Variants in PIEZO2 observed in about 807,000 individuals in gnomAD.
PIEZO2 encodes the protein piezo-type mechanosensitive ion channel component 2.
Under a neutral mutation model 337.3 loss-of-function variants are expected in PIEZO2, and 172 were observed. The ratio of observed to expected loss-of-function variants is 0.51; its 90% CI spans 0.45 to 0.58. The LOEUF (loss-of-function observed/expected upper bound fraction) is 0.58, where lower values mean the gene tolerates loss of function less well. Ranked by LOEUF, PIEZO2 falls within the 20% of genes least tolerant of loss-of-function variation. The pLI, the probability that PIEZO2 is intolerant of heterozygous loss-of-function variation, is 0.00. For synonymous variants in PIEZO2, 1,251 were observed against 1,228.5 expected (o/e 1.02, Z -0.38); for missense variants, 3,028 against 3,391.3 (o/e 0.89, Z 2.66).
At chr18:10,820,645 G>A (rs1303239156) in intron 7 of PIEZO2, among the ~76,000 whole-genome samples, 2 of 152,118 alleles carry the variant, frequency 1.3e-5, no homozygotes, top group Non-Finnish European at 2.9e-5. Flanking sequence ...TTCATTGCTT[G>A]AGTTTTCTCT....
intron 18 of PIEZO2, 44 bp from the exon 19 acceptor site, chr18:10,774,082 A>C (rs1030197572): frequency 1.4e-6 from 1 of 702,158 alleles, no homozygotes; most frequent in African/African-American, 1.7e-5. Flanking sequence ...AGGAGATGAG[A>C]ACAGAAGAAT....
chr18:10,765,257 C>G (rs1474861857), intron 21 of PIEZO2, among the ~76,000 whole-genome samples: 1 of 152,184 alleles, frequency 6.6e-6, no homozygotes, highest in African/African-American at 2.4e-5. Context: ...TCCTTCCAGA[C>G]TTGGGAGAGC....
Position 10,898,548 on chromosome 18 carries a change from T to C in PIEZO2, c.329+12638A>G, listed in dbSNP as rs910479079. Among the ~76,000 whole-genome samples the C allele has an allele frequency of 5.9e-5, 9 of 152,198 alleles. No individual in the cohort carries two copies. In the East Asian group the frequency reaches 1.7e-3, roughly 29 times the overall value. On this transcript the variant is annotated intron_variant, in intron 4 of 55. Coordinates refer to ENST00000674853, the MANE Select transcript of PIEZO2 (RefSeq NM_001378183.1). ...TGACTGAAAATGTGGGTGGGGGACG[T>C]CCTGAATATTAGGTTGGGGAGTTAA...
intron 4 of PIEZO2, among the ~76,000 whole-genome samples, chr18:10,880,747 T>G (rs1234206635): frequency 6.6e-6 from 1 of 150,746 alleles, no homozygotes; most frequent in Non-Finnish European, 1.5e-5. Flanking sequence ...GCAGGTGTCT[T>G]TAGTCACTTG....
In PIEZO2 at chr18:10,671,700, T is replaced by C. The variant is rs2143374505; in HGVS notation, c.8425A>G (p.Ile2809Val). The change falls in exon 56 of 56, where the codon ATC becomes GTC. Residue 2809 changes from isoleucine to valine, a missense_variant. Transcript: ENST00000674853. ...REFFSGISHS[I>V]MFEELPNVDR... ...ACATTTGGAAGCTCTTCAAACATGA[T>C]GGAGTGAGAAATCCCACTGAAGAAT... 2 of 1,614,028 alleles carry C rather than the reference T, an allele frequency of 1.2e-6. No homozygotes were observed. Among genetic ancestry groups the C allele is most frequent in the South Asian group, 1.1e-5 (1 of 91,080 alleles).
intron 4 of PIEZO2, among the ~76,000 whole-genome samples, chr18:10,909,493 C>T (rs992490787): frequency 2.1e-5 from 3 of 143,926 alleles, no homozygotes; most frequent in Non-Finnish European, 4.5e-5. Flanking sequence ...TTAAATAATG[C>T]TAAAGACTTA....
At chr18:11,039,735 C>T (rs7234051) in intron 2 of PIEZO2, among the ~76,000 whole-genome samples, 1 of 132,036 alleles carries the variant, frequency 7.6e-6, no homozygotes, top group Admixed American at 7.9e-5. Flanking sequence ...TAAGTTGAAT[C>T]TATTTTAAAT....
intron 35 of PIEZO2, among the ~76,000 whole-genome samples, chr18:10,732,359 T>C (rs56839279): frequency 0.015 from 2,311 of 152,296 alleles, 54 homozygotes; most frequent in African/African-American, 0.044. Flanking sequence ...ATTATGATGA[T>C]AAAGTTAAAT....
intron 3 of PIEZO2, among the ~76,000 whole-genome samples, chr18:10,926,231 T>C (rs538631663): frequency 1.2e-4 from 18 of 152,332 alleles, no homozygotes; most frequent in Non-Finnish European, 2.9e-5. Flanking sequence ...CCGGGTGTGC[T>C]GGAGGCGGTG....
intron 4 of PIEZO2, among the ~76,000 whole-genome samples, chr18:10,889,204 T>G (rs1222809670): frequency 6.6e-6 from 1 of 152,232 alleles, no homozygotes; most frequent in African/African-American, 2.4e-5. Context: ...GCTTTCATCC[T>G]TCCCCAAGTA....
chr18:10,804,138 A>G, intron 8 of PIEZO2, 144 bp from the exon 9 acceptor site: 1 of 1,056,114 alleles, frequency 9.5e-7, no homozygotes, highest in Non-Finnish European at 1.3e-6. Context: ...TTATCAAGAC[A>G]CTTTAAAAAA....
chr18:11,015,071 T>A (rs1191871060), intron 2 of PIEZO2, among the ~76,000 whole-genome samples: 2 of 126,952 alleles, frequency 1.6e-5, no homozygotes, highest in Non-Finnish European at 3.1e-5. Flanking sequence ...GTGGGGAAGA[T>A]GTCACCCTGG....
rs547158235 is a variant in PIEZO2 at position 10,705,371 on chromosome 18, G to C, written c.5964C>G (p.Thr1988=). Residue 1988 remains threonine, a synonymous_variant, in exon 41 of 56, where the codon ACC becomes ACG. Coordinates refer to ENST00000674853, the MANE Select transcript of PIEZO2 (RefSeq NM_001378183.1). ...GCAGCTCGCTGGCCGTCAGCTCATG[G>C]GTCAGGGGAGGTAAGATGCTGGACC... ...KLGSSILPPL[T]HELTASELLL... 2 of 1,537,038 alleles carry C rather than the reference G, an allele frequency of 1.3e-6. No homozygotes were observed. Among genetic ancestry groups the C allele is most frequent in the East Asian group, 2.4e-5 (1 of 40,906 alleles).
intron 4 of PIEZO2, among the ~76,000 whole-genome samples, chr18:10,882,343 A>G (rs1003877908): frequency 3.3e-5 from 5 of 152,180 alleles, no homozygotes; most frequent in African/African-American, 1.2e-4. Context: ...CCCCGGCCCA[A>G]CTTGAGAGAA....
intron 2 of PIEZO2, among the ~76,000 whole-genome samples, chr18:11,053,766 C>T (rs1303058243): frequency 6.6e-6 from 1 of 152,192 alleles, no homozygotes; most frequent in East Asian, 1.9e-4. Flanking sequence ...TGCAGTGGCT[C>T]ATGCCTGTAA....
At chr18:11,082,516 AC>A (rs2038784387) in intron 1 of PIEZO2, among the ~76,000 whole-genome samples, 2 of 151,946 alleles carry the variant, frequency 1.3e-5, no homozygotes, top group East Asian at 1.9e-4. Context: ...ATGGGGTTTC[AC>A]CGTGTTAGCC....
In PIEZO2 at chr18:10,675,172, T is replaced by C. The variant is rs192743046; in HGVS notation, c.8161+37A>G. The stretch of plus-strand genomic sequence containing the variant: ...TGTTGAAATTGAATAAAACTAGGAT[T>C]GAAAACAATTCTGAAACAAATTTTT... On this transcript the variant is annotated intron_variant, in intron 54 of 55. Transcript: ENST00000674853. 17 of 1,398,978 alleles carry C rather than the reference T, an allele frequency of 1.2e-5. No homozygotes were observed. The Admixed American group carries it at 3.0e-4, about 25-fold the overall frequency. The allele number at this position is 1,398,978 out of a possible 1,614,324, so 86.7% of individuals were successfully genotyped here.
chr18:10,900,467 T>A (rs1459386305), intron 4 of PIEZO2, among the ~76,000 whole-genome samples: 1 of 152,230 alleles, frequency 6.6e-6, no homozygotes, highest in African/African-American at 2.4e-5. Flanking sequence ...GACCTCTGCC[T>A]ACTATCTTAT....
In PIEZO2 at chr18:10,773,472, C is replaced by G. The variant is rs369232281; in HGVS notation, c.2725G>C (p.Glu909Gln). ...AQKGDLGKDS[E>Q]ESEEDGEEEE... ...TCCTCTCCGTCCTCCTCTGACTCCT[C>G]GCTGTCTTTCCCAAGATCACCCTTC... The change falls in exon 20 of 56, where the codon GAG becomes CAG. Residue 909 changes from glutamate (E) to glutamine (Q), a missense_variant. Transcript: ENST00000674853. This position sits in a 1 kb window ranked among gnomAD's most constrained non-coding sequence, Gnocchi z 5.3. The G allele has an allele frequency of 1.7e-5, 26 of 1,537,440 alleles. No individual in the cohort carries two copies. Among genetic ancestry groups the G allele is most frequent in the East Asian group, 7.3e-5 (3 of 40,910 alleles).
Sources: allele counts gnomAD v4.1 joint callset (sites outside exome capture counted in the v4.1 genomes callset), GRCh38; gene constraint gnomAD v4.1.1; non-coding constraint Gnocchi (gnomAD v3.1); transcripts MANE v1.5; gene names NCBI Gene and HGNC (gene_info 2026-07-23, HGNC 2026-07-21).